The following MCUB variants were observed in gnomAD, a reference collection of about 807,000 sequenced individuals.
MCUB encodes the protein calcium uniporter regulatory subunit MCUb, mitochondrial.
MCUB carries 46 observed loss-of-function variants against 41.4 expected under a neutral mutation model. The ratio of observed to expected loss-of-function variants is 1.11; its 90% CI spans 0.88 to 1.42. The LOEUF is 1.42. MCUB is among the 40% of genes most tolerant of loss of function. The probability of loss-of-function intolerance (pLI) is 0.00; values close to 1 mark genes in which losing one functional copy is unlikely to be tolerated. For synonymous variants in MCUB, 148 were observed against 148.2 expected, an observed-to-expected ratio of 1.00 and a Z score of 0.01; for missense variants, 403 against 404.9, an observed-to-expected ratio of 1.00 and a Z score of 0.04.
At chr4:109,567,111 G>A (rs1331471096) in intron 1 of MCUB, among the ~76,000 whole-genome samples, 8 of 126,476 alleles carry the variant, frequency 6.3e-5, no homozygotes, top group African/African-American at 1.6e-4. Context: ...CAGCCTGGGC[G>A]ACAGAGCGAG....
chr4:109,591,597 A>G (rs1727438745), intron 1 of MCUB, among the ~76,000 whole-genome samples: 1 of 152,166 alleles, frequency 6.6e-6, no homozygotes, highest in African/African-American at 2.4e-5. Context: ...AGTGGTATAC[A>G]TTTTTCAAAG....
At chr4:109,632,207 T>C (rs1728488768) in intron 1 of MCUB, among the ~76,000 whole-genome samples, 1 of 152,238 alleles carries the variant, frequency 6.6e-6, no homozygotes, top group South Asian at 2.1e-4. Context: ...TTTTAGGTTT[T>C]CTGACCACAT....
intron 1 of MCUB, among the ~76,000 whole-genome samples, chr4:109,575,014 A>C (rs1323707586): frequency 6.6e-6 from 1 of 152,212 alleles, no homozygotes; most frequent in Non-Finnish European, 1.5e-5. Flanking sequence ...CCAAAAAGTT[A>C]GCTTAAATAG....
chr4:109,606,904 G>A (rs1455233596), intron 1 of MCUB, among the ~76,000 whole-genome samples: 6 of 151,892 alleles, frequency 4.0e-5, no homozygotes, highest in African/African-American at 7.2e-5. Context: ...CTGCCACCAC[G>A]CCCAGCTAAT....
chr4:109,604,622 C>T (rs1005449413), intron 1 of MCUB, among the ~76,000 whole-genome samples: 18 of 152,224 alleles, frequency 1.2e-4, no homozygotes, highest in African/African-American at 3.6e-4. Context: ...TTCAGTTTTT[C>T]GTCATTCAGT....
chr4:109,615,004 C>G (rs1179979693), intron 1 of MCUB, among the ~76,000 whole-genome samples: 1 of 152,144 alleles, frequency 6.6e-6, no homozygotes, highest in Non-Finnish European at 1.5e-5. Context: ...AGAACAAGTG[C>G]TTTCAGAAAT....
intron 1 of MCUB, among the ~76,000 whole-genome samples, chr4:109,622,303 G>A (rs1174566693): frequency 1.3e-5 from 2 of 152,198 alleles, no homozygotes; most frequent in African/African-American, 4.8e-5. Context: ...TCTCTACATT[G>A]TCTCTCACTT....
At chr4:109,668,806 ACTT>A (rs1729396688) in intron 4 of MCUB, among the ~76,000 whole-genome samples, 1 of 151,000 alleles carries the variant, frequency 6.6e-6, no homozygotes, top group Non-Finnish European at 1.5e-5. Flanking sequence ...TATTATTTAT[ACTT>A]CTTTTTTTAG....
chr4:109,601,410 C>A (rs1261503473), intron 1 of MCUB, among the ~76,000 whole-genome samples: 1 of 152,104 alleles, frequency 6.6e-6, no homozygotes, highest in Non-Finnish European at 1.5e-5. Context: ...CCCCTCCCAG[C>A]CTCTGGTAAC....
intron 1 of MCUB, among the ~76,000 whole-genome samples, chr4:109,562,494 T>C (rs975462456): frequency 6.6e-6 from 1 of 152,256 alleles, no homozygotes; most frequent in Non-Finnish European, 1.5e-5. Context: ...TTTCTGCTAA[T>C]CAAATTACCT....
chr4:109,560,482 A>G (rs1465414606), intron 1 of MCUB, 46 bp downstream of exon 1: 2 of 946,678 alleles, frequency 2.1e-6, no homozygotes, highest in African/African-American at 3.4e-5. Flanking sequence ...AGGCTGGTGC[A>G]AAGTTTGCGT....
intron 1 of MCUB, among the ~76,000 whole-genome samples, chr4:109,637,986 G>T (rs78925234): frequency 6.6e-6 from 1 of 152,198 alleles, no homozygotes; most frequent in African/African-American, 2.4e-5. Context: ...GACCACTACA[G>T]TAAAGCAAGT....
At chr4:109,624,444 G>A (rs1728320441) in intron 1 of MCUB, among the ~76,000 whole-genome samples, 1 of 152,168 alleles carries the variant, frequency 6.6e-6, no homozygotes. Flanking sequence ...ATGCATGAAT[G>A]GCATTTGGAA....
intron 1 of MCUB, among the ~76,000 whole-genome samples, chr4:109,610,180 G>A (rs959751319): frequency 1.3e-5 from 2 of 152,126 alleles, no homozygotes; most frequent in Non-Finnish European, 2.9e-5. Flanking sequence ...AAGTGGGCTC[G>A]CCTCTGGCCT....
At chr4:109,668,103 G>A (rs1264142208) in intron 4 of MCUB, among the ~76,000 whole-genome samples, 1 of 152,052 alleles carries the variant, frequency 6.6e-6, no homozygotes, top group Non-Finnish European at 1.5e-5. Context: ...TTGAGAATGT[G>A]TATTGTGCTG....
At chr4:109,577,369 G>A (rs923851035) in intron 1 of MCUB, among the ~76,000 whole-genome samples, 3 of 152,062 alleles carry the variant, frequency 2.0e-5, no homozygotes, top group Middle Eastern at 3.2e-3. Flanking sequence ...CATGTAAAAC[G>A]ATAGCTAATG....
intron 1 of MCUB, among the ~76,000 whole-genome samples, chr4:109,625,438 A>G (rs865795570): frequency 7.2e-5 from 11 of 152,224 alleles, no homozygotes; most frequent in Non-Finnish European, 1.0e-4. Context: ...ACAGTATTCA[A>G]TAAATTACAT....
chr4:109,666,916 C>A (rs992915652), intron 4 of MCUB, among the ~76,000 whole-genome samples: 1 of 152,096 alleles, frequency 6.6e-6, no homozygotes, highest in Non-Finnish European at 1.5e-5. Context: ...AAGTGTTGAG[C>A]CTTGCATACC....
At chr4:109,639,480 G>A (rs1728668936) in intron 1 of MCUB, among the ~76,000 whole-genome samples, 1 of 151,964 alleles carries the variant, frequency 6.6e-6, no homozygotes, top group African/African-American at 2.4e-5. Flanking sequence ...ACCAGGTCAG[G>A]AGTCTGAGAC....
Sources: allele counts gnomAD v4.1 joint callset (sites outside exome capture counted in the v4.1 genomes callset), GRCh38; gene constraint gnomAD v4.1.1; transcripts MANE v1.5; gene names NCBI Gene and HGNC (gene_info 2026-07-23, HGNC 2026-07-21).